Variants in PRDM6 observed in about 807,000 individuals in gnomAD.
The protein encoded by PRDM6 is PR/SET domain 6, also known as putative histone-lysine N-methyltransferase PRDM6.
A neutral mutation model predicts 60.8 loss-of-function variants in PRDM6; 25 were observed. That is an observed-to-expected ratio of 0.41 (90% CI 0.30 to 0.57). PRDM6 has a LOEUF of 0.57. Ranked by LOEUF, PRDM6 falls within the 20% of genes least tolerant of loss-of-function variation. PRDM6 has a pLI of 0.27. For synonymous variants in PRDM6, 407 were observed against 357.4 expected, an observed-to-expected ratio of 1.14 and a Z score of -1.57; for missense variants, 839 against 821.3, an observed-to-expected ratio of 1.02 and a Z score of -0.26.
At chr5:123,143,766 GAAA>G (rs1483346607) in intron 3 of PRDM6, among the ~76,000 whole-genome samples, 1 of 151,826 alleles carries the variant, frequency 6.6e-6, no homozygotes, top group Admixed American at 6.6e-5. Flanking sequence ...ATTGAAAAAT[GAAA>G]AAAATGCCAA....
At chr5:123,151,128 T>C (rs895194307) in intron 3 of PRDM6, among the ~76,000 whole-genome samples, 5 of 152,178 alleles carry the variant, frequency 3.3e-5, no homozygotes, top group African/African-American at 1.2e-4. Context: ...GCATAAAATA[T>C]GCTTCCTCAC....
intron 3 of PRDM6, among the ~76,000 whole-genome samples, chr5:123,112,650 A>G (rs968724429): frequency 6.6e-6 from 1 of 152,146 alleles, no homozygotes; most frequent in Non-Finnish European, 1.5e-5. Flanking sequence ...AAGTCCTGAC[A>G]TTGTTTCAAA....
rs1390648825 is a variant in PRDM6 at position 123,190,051 on chromosome 5, G to A, written c.*2850G>A. On this transcript the variant is annotated 3_prime_UTR_variant, in exon 8 of 8. Coordinates refer to ENST00000407847, the MANE Select transcript of PRDM6 (RefSeq NM_001136239.4). ...CTTATTAGTAACTTCCTAATTAGTA[G>A]TGCTATAAAGAGAGTAAATGCTCTG... The A allele has an allele frequency of 1.3e-5, 2 of 152,186 alleles. No individual in the cohort carries two copies. The highest frequency in any genetic ancestry group is 2.9e-5 in the Non-Finnish European group (2 of 68,040). 9.4% of individuals were successfully genotyped at this position (152,186 alleles called of 1,614,324 possible). A position where few individuals can be genotyped will look rare whatever the true frequency, so the allele number is the denominator to read the frequency against.
At chr5:123,115,520 G>A (rs1409571775) in intron 3 of PRDM6, among the ~76,000 whole-genome samples, 1 of 151,962 alleles carries the variant, frequency 6.6e-6, no homozygotes, top group African/African-American at 2.4e-5. Context: ...CTTTAATTAT[G>A]TTTTATCATT....
chr5:123,171,173 C>A, intron 6 of PRDM6, 65 bp downstream of exon 6: 1 of 1,337,630 alleles, frequency 7.5e-7, no homozygotes, highest in Non-Finnish European at 1.0e-6. Flanking sequence ...GCCTTCCCGC[C>A]AACTTCTGAG....
intron 3 of PRDM6, among the ~76,000 whole-genome samples, chr5:123,123,606 T>A (rs900842294): frequency 2.6e-5 from 4 of 152,234 alleles, no homozygotes; most frequent in African/African-American, 9.6e-5. Context: ...AAAAAAATAT[T>A]TTACAATTGG....
chr5:123,183,113 G>A lies in PRDM6; in HGVS notation c.1673+2790G>A, dbSNP rs549314484. On this transcript the variant is annotated intron_variant, in intron 7 of 7. Coordinates refer to ENST00000407847, the MANE Select transcript of PRDM6 (RefSeq NM_001136239.4). Reference sequence around the variant, plus strand: ...TTTTGCAGATTAGTCAATAAAATGGGTTTCTCTACAACAGTTAATTTTACT... The same window carrying A: ...TTTTGCAGATTAGTCAATAAAATGGATTTCTCTACAACAGTTAATTTTACT... 1.1e-4 allele frequency among the ~76,000 whole-genome samples: 17 copies of A among 152,200 alleles called. No individual in the cohort carries two copies. The South Asian group carries it at 3.5e-3, about 32-fold the overall frequency.
At position 123,099,069 on chromosome 5, in the gene PRDM6, C is replaced by T. The variant is rs944789785; in HGVS notation, c.593-585C>T. ...GCGATAGACTGGCCGTCTCCCCCAC[C>T]CCGCCCCGTCTGGTGATTTTAAATC... On this transcript the variant is annotated intron_variant, in intron 2 of 7. Coordinates refer to ENST00000407847, the MANE Select transcript of PRDM6 (RefSeq NM_001136239.4). The surrounding 1 kb of genome is among the most constrained non-coding windows in gnomAD (Gnocchi z 4.0). 3.9e-5 allele frequency among the ~76,000 whole-genome samples: 6 copies of T among 152,294 alleles called. No individual in the cohort carries two copies. The highest frequency in any genetic ancestry group is 1.4e-4 in the African/African-American group (6 of 41,564).
At chr5:123,104,385 T>A (rs1356690318) in intron 3 of PRDM6, among the ~76,000 whole-genome samples, 3 of 152,094 alleles carry the variant, frequency 2.0e-5, no homozygotes, top group Non-Finnish European at 2.9e-5. Flanking sequence ...GTTGAAAAAA[T>A]TATTTTAAAT....
At chr5:123,147,599 A>T (rs540380254) in intron 3 of PRDM6, among the ~76,000 whole-genome samples, 2 of 152,324 alleles carry the variant, frequency 1.3e-5, no homozygotes, top group African/African-American at 2.4e-5. Flanking sequence ...ACAGCAGGGC[A>T]CTCTCAAAAG....
chr5:123,121,313 T>C (rs1764576085), intron 3 of PRDM6, among the ~76,000 whole-genome samples: 1 of 152,224 alleles, frequency 6.6e-6, no homozygotes, highest in Non-Finnish European at 1.5e-5. Flanking sequence ...TTTTTCTTTC[T>C]ATTCTTGTTT....
rs1766072194 is a variant in PRDM6, at chr5:123,178,701, A to G, written c.1497-1446A>G. Among the ~76,000 whole-genome samples the G allele has an allele frequency of 3.3e-5, 5 of 152,326 alleles. No individual in the cohort carries two copies. In the South Asian group the frequency reaches 6.2e-4, roughly 19 times the overall value. Reference sequence around the variant, plus strand: ...ATTAGTCAAGCTAAAAAATTCTACAATCAGGGCTCAGTGTGCTGAAGCCTG... The same window carrying G: ...ATTAGTCAAGCTAAAAAATTCTACAGTCAGGGCTCAGTGTGCTGAAGCCTG... On this transcript the variant is annotated intron_variant, in intron 6 of 7. Transcript: ENST00000407847.
At chr5:123,122,810 G>A (rs983030501) in intron 3 of PRDM6, among the ~76,000 whole-genome samples, 3 of 151,750 alleles carry the variant, frequency 2.0e-5, no homozygotes, top group Non-Finnish European at 2.9e-5. Context: ...TTTAAAATCC[G>A]ACTACAAGAA....
intron 3 of PRDM6, among the ~76,000 whole-genome samples, chr5:123,149,610 A>C (rs936685492): frequency 6.6e-6 from 1 of 152,216 alleles, no homozygotes; most frequent in Admixed American, 6.5e-5. Context: ...CGACACTGCA[A>C]TGAACTAAAA....
At chr5:123,185,041 G>T (rs1042102669) in intron 7 of PRDM6, among the ~76,000 whole-genome samples, 1 of 152,114 alleles carries the variant, frequency 6.6e-6, no homozygotes, top group African/African-American at 2.4e-5. Context: ...ACAACAAATT[G>T]TTCCATTTGT....
intron 3 of PRDM6, among the ~76,000 whole-genome samples, chr5:123,127,251 T>C (rs62375355): frequency 0.26 from 39,000 of 152,084 alleles, 5,374 homozygotes; most frequent in Middle Eastern, 0.31. Flanking sequence ...TTGGCCAGGC[T>C]GGTGTCGAAC....
At chr5:123,146,833 C>G (rs938729555) in intron 3 of PRDM6, among the ~76,000 whole-genome samples, 2 of 152,138 alleles carry the variant, frequency 1.3e-5, no homozygotes, top group Non-Finnish European at 2.9e-5. Flanking sequence ...GGTGCTTACT[C>G]GTTCATCTCA....
chr5:123,135,517 A>G (rs1323142456), intron 3 of PRDM6, among the ~76,000 whole-genome samples: 1 of 152,196 alleles, frequency 6.6e-6, no homozygotes, highest in Non-Finnish European at 1.5e-5. Flanking sequence ...TGTGGATTTA[A>G]TAAAACTTTA....
At chr5:123,165,437 C>A (rs193101) in intron 5 of PRDM6, among the ~76,000 whole-genome samples, 1 of 152,224 alleles carries the variant, frequency 6.6e-6, no homozygotes, top group Admixed American at 6.5e-5. Context: ...TGCCACCTGA[C>A]TAGTGTCACC....
Sources: gnomAD v4.1 joint callset for allele counts (sites outside exome capture counted in the v4.1 genomes callset) on GRCh38, gnomAD v4.1.1 for gene constraint, Gnocchi (gnomAD v3.1) non-coding constraint, MANE v1.5 for transcripts, NCBI Gene and HGNC (gene_info 2026-07-23, HGNC 2026-07-21) for gene names.